Variants in DACT2 observed in about 807,000 individuals in gnomAD.
DACT2 encodes the protein dapper homolog 2.
Under a neutral mutation model 22.2 loss-of-function variants are expected in DACT2, and 20 were observed. That is an observed-to-expected ratio of 0.90 (90% CI 0.63 to 1.31). The LOEUF (loss-of-function observed/expected upper bound fraction) is 1.31, where lower values mean the gene tolerates loss of function less well. Among genes scored for constraint, DACT2 ranks in the 50% most tolerant of loss-of-function variants. The pLI is 0.00. For synonymous variants in DACT2, 463 were observed against 479.8 expected (o/e 0.96, Z 0.46); for missense variants, 1,048 against 1,061.4 (o/e 0.99, Z 0.18).
rs977056664 is a variant in DACT2, at chr6:168,306,914, G to GA, written c.*517dup. On this transcript the variant is annotated 3_prime_UTR_variant, in exon 4 of 4. Transcript: ENST00000366795. ...TCAGGGAGGAAGAGGTTAAAAGAGG[G>GA]AAAAAAAATGTTCCTTTTATTTGAG... 61 of 990,192 alleles carry GA rather than the reference G, an allele frequency of 6.2e-5. No homozygotes were observed. In the East Asian group the frequency reaches 7.9e-4, roughly 13 times the overall value. 61.3% of individuals were successfully genotyped at this position (990,192 alleles called of 1,614,324 possible).
intron 4 of DACT2, chr6:168,294,575 G>GTCTATATATATATATA (rs778559132): frequency 3.1e-6 from 1 of 323,524 alleles, no homozygotes; most frequent in African/African-American, 4.7e-5. Flanking sequence ...GTGTGTGTGT[G>GTCTATATATATATATA]TGTATATATA....
chr6:168,311,509 T>TACACACACACAA (rs752449981), intron 1 of DACT2, among the ~76,000 whole-genome samples: 1 of 116,138 alleles, frequency 8.6e-6, no homozygotes. Flanking sequence ...CCCACACACA[T>TACACACACACAA]ACACACACAC....
chr6:168,319,333 C>T, intron 1 of DACT2, 55 bp downstream of exon 1: 1 of 1,181,812 alleles, frequency 8.5e-7, no homozygotes, highest in Non-Finnish European at 1.0e-6. Flanking sequence ...GCCGAAGGAG[C>T]AGCGCCTGTG....
intron 2 of DACT2, 42 bp from the exon 3 acceptor site, chr6:168,310,488 A>G: frequency 1.3e-6 from 2 of 1,529,414 alleles, no homozygotes; most frequent in East Asian, 4.9e-5. Flanking sequence ...CCCCATCCAG[A>G]AAAGCCCAGG....
chr6:168,307,476 G>C lies in DACT2; in HGVS notation c.2281C>G (p.Arg761Gly). 2.6e-6 allele frequency: 4 copies of C among 1,551,638 alleles called. No homozygotes were observed. Among genetic ancestry groups the C allele is most frequent in the Non-Finnish European group, 1.7e-6 (2 of 1,146,974 alleles). The change falls in exon 4 of 4, where the codon CGC (arginine) becomes GGC (glycine). Residue 761 changes from arginine to glycine, a missense_variant. By Grantham distance (125) the Arg-to-Gly change is moderately radical. Transcript: ENST00000366795. The surrounding 1 kb of genome is among the most constrained non-coding windows in gnomAD (Gnocchi z 5.3). ...KASKALKKKI[R>G]RFQPTALKVM... Reference sequence around the variant, plus strand: ...TTCAGGGCCGTCGGCTGGAACCTGCGGATCTTCTTCTTCAGGGCCTTGGAG... The same window carrying C: ...TTCAGGGCCGTCGGCTGGAACCTGCCGATCTTCTTCTTCAGGGCCTTGGAG...
At chr6:168,315,282 T>C (rs1779515641) in intron 1 of DACT2, among the ~76,000 whole-genome samples, 1 of 152,176 alleles carries the variant, frequency 6.6e-6, no homozygotes, top group Non-Finnish European at 1.5e-5. Flanking sequence ...GGGTTTTCAG[T>C]CTACTCATGG....
chr6:168,302,927 G>A (rs1029558399), downstream of DACT2, among the ~76,000 whole-genome samples: 2 of 152,116 alleles, frequency 1.3e-5, no homozygotes, highest in Non-Finnish European at 2.9e-5. Flanking sequence ...AGCCTAGCAG[G>A]GCCAACTATG....
intron 1 of DACT2, among the ~76,000 whole-genome samples, chr6:168,313,993 C>T (rs998862221): frequency 3.2e-5 from 3 of 93,380 alleles, no homozygotes; most frequent in East Asian, 2.5e-4. Flanking sequence ...GGATTCACGC[C>T]GCGCTTGTAA....
chr6:168,311,181 G>T lies in DACT2; in HGVS notation c.350C>A (p.Ala117Asp). The change falls in exon 2 of 4, where the codon GCC (alanine) becomes GAC (aspartate). Residue 117 changes from alanine (A) to aspartate (D), a missense_variant. Coordinates refer to ENST00000366795, the MANE Select transcript of DACT2 (RefSeq NM_214462.5). ...QLDVGTASGE[A>D]LDSDSRPSSG... is the part of the protein sequence containing the mutation. The stretch of plus-strand genomic sequence containing the variant: ...GCTGGGCCTGCTGTCGCTGTCCAGG[G>T]CCTCCCCTGAGGCTGTGCCCACATC... The T allele has an allele frequency of 6.5e-7, 1 of 1,545,098 alleles. No individual in the cohort carries two copies.
chr6:168,313,221 T>G (rs1212010216), intron 1 of DACT2, among the ~76,000 whole-genome samples: 1 of 152,106 alleles, frequency 6.6e-6, no homozygotes, highest in African/African-American at 2.4e-5. Context: ...GTTTTTGTAT[T>G]TTTAGTAGAG....
In DACT2 at chr6:168,308,794, C is replaced by T. The variant is rs747216419; in HGVS notation, c.963G>A (p.Pro321=). Residue 321 remains proline (P), a synonymous_variant, in exon 4 of 4, where the codon CCG becomes CCA. Transcript: ENST00000366795. Reference sequence around the variant, plus strand: ...CCCTGGCCGGGCCAGCCTCGAGGACCGGCCCAGTCTGGATGGTGTTCAGAC... The same window carrying T: ...CCCTGGCCGGGCCAGCCTCGAGGACTGGCCCAGTCTGGATGGTGTTCAGAC... ...PAGLNTIQTG[P]VLEAGPARAR... is the part of the protein sequence containing the mutation. 1.9e-5 allele frequency: 29 copies of T among 1,551,324 alleles called. No individual in the cohort carries two copies. Among genetic ancestry groups the T allele is most frequent in the African/African-American group, 1.5e-4 (11 of 73,064 alleles).
chr6:168,301,937 G>C (rs1342441023), downstream of DACT2: 1 of 152,716 alleles, frequency 6.5e-6, no homozygotes, highest in Non-Finnish European at 1.5e-5. Flanking sequence ...CTCCGGGCCC[G>C]CTCTTCTCCC....
chr6:168,314,418 G>A (rs974333259), intron 1 of DACT2, among the ~76,000 whole-genome samples: 1 of 152,208 alleles, frequency 6.6e-6, no homozygotes, highest in Non-Finnish European at 1.5e-5. Flanking sequence ...CCAGGCTCCA[G>A]GCCCCACTCG....
At chr6:168,318,304 C>T (rs1173409642) in intron 1 of DACT2, among the ~76,000 whole-genome samples, 2 of 152,260 alleles carry the variant, frequency 1.3e-5, no homozygotes, top group East Asian at 3.8e-4. Context: ...ACACAGTCTA[C>T]CACCTCCGTC....
At chr6:168,300,998 C>A (rs1779093384) in intron 3 of DACT2, among the ~76,000 whole-genome samples, 1 of 151,888 alleles carries the variant, frequency 6.6e-6, no homozygotes, top group Admixed American at 6.6e-5. Flanking sequence ...AACAAACAAA[C>A]AAACAAACAA....
At position 168,308,723 on chromosome 6, in the gene DACT2, G is replaced by A. The variant is rs1779305136; in HGVS notation, c.1034C>T (p.Thr345Ile). The change falls in exon 4 of 4, where the codon ACC becomes ATC. Residue 345 changes from threonine (T) to isoleucine (I), a missense_variant. By Grantham distance (89) the Thr-to-Ile change is moderately conservative (BLOSUM62 -1). Transcript: ENST00000366795. Reference protein sequence around the residue: ...DRLLHLWGRETPAKGSEGEQG... With the variant: ...DRLLHLWGREIPAKGSEGEQG... ...TTCTCCCTCGCTACCCTTTGCTGGGGTCTCCCGGCCCCACAGATGCAGCAA... is the reference window on the plus strand; with the variant it reads ...TTCTCCCTCGCTACCCTTTGCTGGGATCTCCCGGCCCCACAGATGCAGCAA... The A allele has an allele frequency of 4.5e-6, 7 of 1,550,148 alleles. No individual in the cohort carries two copies. The highest frequency in any genetic ancestry group is 6.1e-6 in the Non-Finnish European group (7 of 1,146,908).
intron 4 of DACT2, chr6:168,294,577 G>GTA (rs1554269708): frequency 0.059 from 7,214 of 122,798 alleles, 107 homozygotes; most frequent in Non-Finnish European, 0.07. Flanking sequence ...GTGTGTGTGT[G>GTA]TATATATATA....
chr6:168,304,893 C>CT (rs1433696574), downstream of DACT2, among the ~76,000 whole-genome samples: 2 of 152,138 alleles, frequency 1.3e-5, no homozygotes, highest in African/African-American at 4.8e-5. Flanking sequence ...GGCAGGAGGG[C>CT]TAGGGAACCC....
rs10080979 is a variant in DACT2, at chr6:168,296,194, C to T, written c.659-1490G>A. ...ACGGAAAGAGCAGATCCATCCACAG[C>T]GGTGAGGAGATGGTCATGGAGGACA... On this transcript the variant is annotated intron_variant, in intron 3 of 5. Coordinates refer to the DACT2 transcript ENST00000366796. 1.4e-4 allele frequency among the ~76,000 whole-genome samples: 20 copies of T among 144,902 alleles called. 1 individual carries two copies. The highest frequency in any genetic ancestry group is 4.0e-4 in the African/African-American group (15 of 37,798).
Sources: allele counts gnomAD v4.1 joint callset (sites outside exome capture counted in the v4.1 genomes callset), GRCh38; gene constraint gnomAD v4.1.1; non-coding constraint Gnocchi (gnomAD v3.1); transcripts MANE v1.5; gene names NCBI Gene and HGNC (gene_info 2026-07-23, HGNC 2026-07-21).